The following NMBR variants were observed in gnomAD, a reference collection of about 807,000 sequenced individuals.
NMBR encodes neuromedin-B receptor.
NMBR carries 16 observed loss-of-function variants against 20.5 expected under a neutral mutation model. The observed-to-expected ratio is 0.78, with a 90% CI of 0.53 to 1.19. NMBR has a LOEUF of 1.19. Ranked by LOEUF, NMBR falls within the 50% of genes most tolerant of loss-of-function variation. The pLI is 0.00. For missense variants in NMBR, 582 were observed against 499.1 expected (o/e 1.17, Z -1.58); for synonymous variants, 212 against 196.6 (o/e 1.08, Z -0.65).
chr6:142,088,382 G>C lies in NMBR; in HGVS notation c.277C>G (p.Leu93Val). ...SNLAAGDLLL[L>V]LTCVPVDASR... is the part of the protein sequence containing the mutation. The stretch of plus-strand genomic sequence containing the variant: ...GCGTCCACCGGGACGCAGGTGAGCA[G>C]CAGCAGCAAGTCCCCGGCCGCCAGG... The change falls in exon 2 of 4, where the codon CTG becomes GTG. Residue 93 changes from leucine (L) to valine (V), a missense_variant. Physicochemically the swap from Leu to Val is conservative, Grantham distance 32 (BLOSUM62 1). Coordinates refer to ENST00000258042, the MANE Select transcript of NMBR (RefSeq NM_002511.4). 3 of 1,614,176 alleles carry C rather than the reference G, an allele frequency of 1.9e-6. No homozygotes were observed. The highest frequency in any genetic ancestry group is 1.7e-6 in the Non-Finnish European group (2 of 1,180,034).
At chr6:142,084,345 A>T (rs900179290) in intron 2 of NMBR, among the ~76,000 whole-genome samples, 2 of 152,194 alleles carry the variant, frequency 1.3e-5, no homozygotes, top group Non-Finnish European at 2.9e-5. Context: ...GCACTCAAAA[A>T]CTTGGATTTT....
At chr6:142,124,998 C>T (rs1778005650) in intron 1 of NMBR, among the ~76,000 whole-genome samples, 1 of 151,854 alleles carries the variant, frequency 6.6e-6, no homozygotes, top group Non-Finnish European at 1.5e-5. Flanking sequence ...ACTAAGCCAT[C>T]CCCAGTTCCA....
At chr6:142,089,679 C>T (rs1020635122) in intron 1 of NMBR, among the ~76,000 whole-genome samples, 3 of 152,116 alleles carry the variant, frequency 2.0e-5, no homozygotes, top group African/African-American at 7.2e-5. Flanking sequence ...TCACTCGACA[C>T]CATATCTGTG....
chr6:142,089,900 T>C (rs980011386), intron 1 of NMBR, among the ~76,000 whole-genome samples: 1 of 152,220 alleles, frequency 6.6e-6, no homozygotes, highest in South Asian at 2.1e-4. Flanking sequence ...ATTTGCCAGG[T>C]CATAGTACTT....
chr6:142,132,783 C>T (rs777267077), intron 1 of NMBR, among the ~76,000 whole-genome samples: 1 of 152,114 alleles, frequency 6.6e-6, no homozygotes, highest in Non-Finnish European at 1.5e-5. Context: ...AATTTAGATA[C>T]AGTCCATTTT....
At chr6:142,094,138 G>A (rs540734648) in intron 1 of NMBR, among the ~76,000 whole-genome samples, 273 of 152,038 alleles carry the variant, frequency 1.8e-3, no homozygotes, top group African/African-American at 5.6e-3. Context: ...TTGCTGTGCC[G>A]AAGCTCTTTA....
intron 1 of NMBR, among the ~76,000 whole-genome samples, chr6:142,104,511 G>A (rs534886879): frequency 1.1e-4 from 16 of 152,200 alleles, no homozygotes; most frequent in African/African-American, 3.9e-4. Flanking sequence ...ATTTGATTTT[G>A]GAAAGCTTGT....
At chr6:142,076,157 C>T (rs968411210) in intron 3 of NMBR, 108 bp from the exon 4 acceptor site, 2 of 769,746 alleles carry the variant, frequency 2.6e-6, no homozygotes, top group African/African-American at 1.8e-5. Context: ...GATAATACAT[C>T]CAAAATACAT....
intron 2 of NMBR, among the ~76,000 whole-genome samples, chr6:142,081,504 A>G (rs1777095639): frequency 6.6e-6 from 1 of 152,198 alleles, no homozygotes; most frequent in African/African-American, 2.4e-5. Flanking sequence ...CCCCAATGAT[A>G]TTCTCTGAAT....
Position 142,078,640 on chromosome 6 carries a change from C to G in NMBR, c.686G>C (p.Ser229Thr). 7.4e-6 allele frequency: 12 copies of G among 1,612,936 alleles called. No individual in the cohort carries two copies. Among genetic ancestry groups the G allele is most frequent in the Non-Finnish European group, 1.0e-5 (12 of 1,179,060 alleles). The change falls in exon 3 of 4, where the codon AGC (serine) becomes ACC (threonine). Residue 229 changes from serine to threonine, a missense_variant. Ser to Thr is a moderately conservative substitution (Grantham distance 58, BLOSUM62 1). Transcript: ENST00000258042. ...CTTTGCAATATGATAATAATAAATGCTAATAATAGCAAGTGGTATGAGGAA... is the reference window on the plus strand; with the variant it reads ...CTTTGCAATATGATAATAATAAATGGTAATAATAGCAAGTGGTATGAGGAA... ...VYFLIPLAII[S>T]IYYYHIAKTL...
rs1776916552 is a variant in NMBR at position 142,075,555 on chromosome 6, T to C, written c.*93A>G. 2 of 1,247,276 alleles carry C rather than the reference T, an allele frequency of 1.6e-6. No individual in the cohort carries two copies. The highest frequency in any genetic ancestry group is 5.1e-5 in the Admixed American group (2 of 39,550). The allele number at this position is 1,247,276 out of a possible 1,614,324, so 77.3% of individuals were successfully genotyped here. A position where few individuals can be genotyped will look rare whatever the true frequency, so the allele number is the denominator to read the frequency against. On this transcript the variant is annotated 3_prime_UTR_variant, in exon 4 of 4. Transcript: ENST00000258042. ...CTGAGTCAATCATGCAATTGCCTAA[T>C]AAATTAGCTAAGCAACAGCAAGTTC...
At chr6:142,139,989 C>T (rs528490520) in intron 1 of NMBR, among the ~76,000 whole-genome samples, 19 of 152,056 alleles carry the variant, frequency 1.2e-4, no homozygotes, top group African/African-American at 4.1e-4. Flanking sequence ...GAAGCTTTTC[C>T]GACTATTTAT....
chr6:142,097,083 G>C (rs187698308), intron 1 of NMBR, among the ~76,000 whole-genome samples: 2 of 152,032 alleles, frequency 1.3e-5, no homozygotes, highest in African/African-American at 4.8e-5. Flanking sequence ...CGTGAGATGG[G>C]TTTCCTGAAT....
chr6:142,146,493 T>C (rs182152944), intron 1 of NMBR, among the ~76,000 whole-genome samples: 11 of 152,276 alleles, frequency 7.2e-5, no homozygotes, highest in Non-Finnish European at 1.2e-4. Flanking sequence ...GGAAAAGTGA[T>C]GCCTACTGTA....
intron 1 of NMBR, among the ~76,000 whole-genome samples, chr6:142,116,370 G>A (rs1315152306): frequency 6.7e-6 from 1 of 149,010 alleles, no homozygotes; most frequent in Non-Finnish European, 1.5e-5. Flanking sequence ...GCTCTAAGAG[G>A]GTATGTAGAG....
chr6:142,112,571 T>C (rs967011285), intron 1 of NMBR, among the ~76,000 whole-genome samples: 2 of 152,322 alleles, frequency 1.3e-5, no homozygotes, highest in African/African-American at 4.8e-5. Flanking sequence ...CCCAACATCC[T>C]TATTTCTAAA....
Position 142,075,435 on chromosome 6 carries a change from T to G in NMBR, c.*213A>C, listed in dbSNP as rs1298515738. Among the ~76,000 whole-genome samples, 2 of 152,110 alleles carry G rather than the reference T, an allele frequency of 1.3e-5. No individual in the cohort carries two copies. Among genetic ancestry groups the G allele is most frequent in the African/African-American group, 4.8e-5 (2 of 41,422 alleles). ...CATATATATACATATATGTATTATA[T>G]GTAGTGATTTAAAGTCTTTTCTCAT... On this transcript the variant is annotated 3_prime_UTR_variant, in exon 4 of 4. Transcript: ENST00000258042.
chr6:142,087,717 T>G (rs1012292429), intron 2 of NMBR, among the ~76,000 whole-genome samples: 2 of 152,222 alleles, frequency 1.3e-5, no homozygotes, highest in African/African-American at 4.8e-5. Context: ...TCTAATTGGT[T>G]TTACTTCTAA....
intron 1 of NMBR, among the ~76,000 whole-genome samples, chr6:142,114,359 T>C (rs939706154): frequency 3.3e-5 from 5 of 152,134 alleles, no homozygotes; most frequent in Non-Finnish European, 5.9e-5. Flanking sequence ...TGGTTGGTAA[T>C]CTAATACTTT....
Sources: allele counts gnomAD v4.1 joint callset (sites outside exome capture counted in the v4.1 genomes callset), GRCh38; gene constraint gnomAD v4.1.1; transcripts MANE v1.5; gene names NCBI Gene and HGNC (gene_info 2026-07-23, HGNC 2026-07-21).